PMS1: variants seen among roughly 807,000 people sequenced by gnomAD.
PMS1 encodes the protein PMS1 homolog 1, mismatch repair system component.
PMS1 carries 79 observed loss-of-function variants against 93.1 expected under a neutral mutation model. That is an observed-to-expected ratio of 0.85 (90% CI 0.71 to 1.02). The LOEUF (loss-of-function observed/expected upper bound fraction) is 1.02. Among genes scored for constraint, PMS1 ranks in the 50% least tolerant of loss-of-function variants. The pLI is 0.00. For missense variants in PMS1, 1,064 were observed against 1,085.3 expected (o/e 0.98, Z 0.28); for synonymous variants, 335 against 363.4 (o/e 0.92, Z 0.89).
intron 5 of PMS1, among the ~76,000 whole-genome samples, chr2:189,820,416 G>T (rs1312648235): frequency 6.6e-6 from 1 of 151,852 alleles, no homozygotes; most frequent in Non-Finnish European, 1.5e-5. Flanking sequence ...TTCCACCTCA[G>T]CCTCCTGAGT....
intron 4 of PMS1, among the ~76,000 whole-genome samples, chr2:189,811,169 A>G (rs2050808246): frequency 6.6e-6 from 1 of 151,592 alleles, no homozygotes; most frequent in East Asian, 1.9e-4. Context: ...TGCAAACAGA[A>G]GCACGGAAGT....
chr2:189,785,345 G>A (rs1372892243), intron 1 of PMS1: 1 of 152,028 alleles, frequency 6.6e-6, no homozygotes, highest in Admixed American at 6.5e-5. Flanking sequence ...TTCTTTTTTA[G>A]GCACACCTGT....
chr2:189,827,717 A>G (rs781472791), intron 5 of PMS1, among the ~76,000 whole-genome samples: 25 of 152,088 alleles, frequency 1.6e-4, no homozygotes, highest in Non-Finnish European at 3.4e-4. Context: ...CTCGGAGGAC[A>G]TTATGTTAAG....
At chr2:189,805,912 A>G in intron 4 of PMS1, 158 bp downstream of exon 4, 1 of 1,524,294 alleles carries the variant, frequency 6.6e-7, no homozygotes, top group Non-Finnish European at 8.8e-7. Flanking sequence ...CCTTTATTCT[A>G]GCCACCAATT....
intron 4 of PMS1, among the ~76,000 whole-genome samples, chr2:189,817,591 G>A (rs149329600): frequency 6.6e-6 from 1 of 152,180 alleles, no homozygotes; most frequent in African/African-American, 2.4e-5. Flanking sequence ...ATTTAACTAG[G>A]TTACCAGATA....
intron 6 of PMS1, among the ~76,000 whole-genome samples, chr2:189,848,688 G>GT (rs1235779487): frequency 6.6e-6 from 1 of 152,080 alleles, no homozygotes; most frequent in Non-Finnish European, 1.5e-5. Flanking sequence ...CCAGTTCCAT[G>GT]GGCTGTCAGA....
chr2:189,795,831 T>C lies in PMS1; in HGVS notation c.195T>C (p.Asp65=). 6.2e-7 allele frequency: 1 copy of C among 1,613,370 alleles called. No homozygotes were observed. The highest frequency in any genetic ancestry group is 1.1e-5 in the South Asian group (1 of 91,066). The change falls in exon 3 of 13, where the codon GAT becomes GAC. Residue 65 remains aspartate (D), a synonymous_variant. Coordinates refer to ENST00000441310, the MANE Select transcript of PMS1 (RefSeq NM_000534.5). ...RDNGEGIKAV[D]APVMAMKYYT... is the part of the protein sequence containing the mutation. ...ACGGGGAGGGTATCAAGGCTGTTGA[T>C]GCACCTGTAATGGCAATGAAGTACT...
chr2:189,808,036 T>A (rs536807402), intron 4 of PMS1, among the ~76,000 whole-genome samples: 12 of 152,326 alleles, frequency 7.9e-5, no homozygotes, highest in African/African-American at 2.6e-4. Context: ...TGATAGGTTT[T>A]GAGTGATTGA....
intron 11 of PMS1, among the ~76,000 whole-genome samples, chr2:189,868,770 A>AAAAT (rs1159141622): frequency 2.0e-5 from 3 of 152,230 alleles, no homozygotes; most frequent in Non-Finnish European, 4.4e-5. Context: ...GTATATACAG[A>AAAAT]AAATACTTTG....
chr2:189,862,089 A>G (rs766047757), intron 9 of PMS1, among the ~76,000 whole-genome samples: 223 of 151,886 alleles, frequency 1.5e-3, no homozygotes, highest in Middle Eastern at 6.8e-3. Context: ...CCAGTTTTCC[A>G]TTGTTTATCT....
intron 3 of PMS1, among the ~76,000 whole-genome samples, chr2:189,798,523 G>T (rs576261165): frequency 9.2e-5 from 14 of 152,146 alleles, no homozygotes; most frequent in African/African-American, 1.4e-4. Flanking sequence ...AGTTCACAGA[G>T]CCTTCAAATA....
chr2:189,874,114 G>A (rs2057369868), intron 12 of PMS1, among the ~76,000 whole-genome samples: 1 of 151,028 alleles, frequency 6.6e-6, no homozygotes, highest in Non-Finnish European at 1.5e-5. Context: ...AAAAAAAAAA[G>A]AACACTCTAT....
chr2:189,814,539 A>G (rs944227970), intron 4 of PMS1, among the ~76,000 whole-genome samples: 1 of 152,204 alleles, frequency 6.6e-6, no homozygotes, highest in Non-Finnish European at 1.5e-5. Context: ...TCAGACAAAT[A>G]CAAACTTTAT....
At chr2:189,845,300 G>A (rs2054161498) in intron 6 of PMS1, among the ~76,000 whole-genome samples, 2 of 151,956 alleles carry the variant, frequency 1.3e-5, no homozygotes, top group African/African-American at 4.8e-5. Context: ...TACCTCTAAA[G>A]ATCCATTGTT....
chr2:189,800,197 G>T (rs1333958138), intron 3 of PMS1, among the ~76,000 whole-genome samples: 2 of 152,162 alleles, frequency 1.3e-5, no homozygotes. Context: ...TGTGTTCAAG[G>T]CAAAGCCCAG....
At chr2:189,793,008 C>T (rs1038714624) in intron 2 of PMS1, among the ~76,000 whole-genome samples, 31 of 152,154 alleles carry the variant, frequency 2.0e-4, no homozygotes, top group African/African-American at 5.5e-4. Context: ...TGGGGTTTCG[C>T]CATGTCGGCC....
In PMS1 at chr2:189,827,938, G is replaced by GTTTGTTTT. The variant is rs567649699; in HGVS notation, c.582+9762_582+9763insTTTTTTTG. ...GTTTTGTTTGTTTGTTTGTTTGTTT[G>GTTTGTTTT]TTTGAGACAGAGTCTTGCTCTGTCA... On this transcript the variant is annotated intron_variant, in intron 5 of 12. Coordinates refer to ENST00000441310, the MANE Select transcript of PMS1 (RefSeq NM_000534.5). Among the ~76,000 whole-genome samples, 336 of 151,936 alleles carry GTTTGTTTT rather than the reference G, an allele frequency of 2.2e-3. 4 individuals carry two copies. Among genetic ancestry groups the GTTTGTTTT allele is most frequent in the African/African-American group, 7.6e-3 (315 of 41,432 alleles).
At chr2:189,826,227 A>C (rs1413962757) in intron 5 of PMS1, among the ~76,000 whole-genome samples, 1 of 152,142 alleles carries the variant, frequency 6.6e-6, no homozygotes, top group African/African-American at 2.4e-5. Flanking sequence ...CCCCTCCCGC[A>C]ATCCCAGCCA....
chr2:189,866,787 C>T (rs541104418), intron 10 of PMS1, among the ~76,000 whole-genome samples: 4 of 152,264 alleles, frequency 2.6e-5, no homozygotes, highest in African/African-American at 9.6e-5. Flanking sequence ...CTTAACTAGG[C>T]TCACACGGAC....
Sources: allele counts gnomAD v4.1 joint callset (sites outside exome capture counted in the v4.1 genomes callset), GRCh38; gene constraint gnomAD v4.1.1; transcripts MANE v1.5; gene names NCBI Gene and HGNC (gene_info 2026-07-23, HGNC 2026-07-21).